DEFB132: variants seen among roughly 807,000 people sequenced by gnomAD.
DEFB132 encodes defensin beta 132.
A neutral mutation model predicts 2.5 loss-of-function variants in DEFB132; 5 were observed. The ratio of observed to expected loss-of-function variants is 2.00; its 90% CI spans 1.04 to 4.20. The LOEUF (loss-of-function observed/expected upper bound fraction) is 4.20. DEFB132 is among the 30% of genes most tolerant of loss of function. DEFB132 has a pLI of 0.00. For synonymous variants in DEFB132, 53 were observed against 46.2 expected, an observed-to-expected ratio of 1.15 and a Z score of -0.60; for missense variants, 112 against 110.0, an observed-to-expected ratio of 1.02 and a Z score of -0.08.
Position 259,299 on chromosome 20 carries a change from C to T in DEFB132, c.281C>T (p.Thr94Ile), listed in dbSNP as rs760222383. Reference protein sequence around the residue: ...RKDKKQQTTVTS With the variant: ...RKDKKQQTTVIS ...GACAAGAAGCAACAAACGACCGTAA[C>T]ATCATAATAACCACTGCTATCGCCT... Residue 94 changes from threonine (T) to isoleucine (I), a missense_variant, in exon 2 of 2, where the codon ACA becomes ATA. Coordinates refer to ENST00000382376, the MANE Select transcript of DEFB132 (RefSeq NM_207469.3). 1.9e-6 allele frequency: 3 copies of T among 1,614,034 alleles called. No homozygotes were observed. Among genetic ancestry groups the T allele is most frequent in the Admixed American group, 3.3e-5 (2 of 60,026 alleles).
At position 260,641 on chromosome 20, in the gene DEFB132, C is replaced by T. The variant is rs1322522927; in HGVS notation, c.*1335C>T. On this transcript the variant is annotated 3_prime_UTR_variant, in exon 2 of 2. Transcript: ENST00000382376. The stretch of plus-strand genomic sequence containing the variant: ...TCTATCTGAGAAGAACAAACCAAAA[C>T]ACTCAGGCCTAAATAATTAAAAACG... 1 of 152,098 alleles carries T rather than the reference C, an allele frequency of 6.6e-6. No homozygotes were observed. The highest frequency in any genetic ancestry group is 1.9e-4 in the East Asian group (1 of 5,198). 9.4% of individuals were successfully genotyped at this position (152,098 alleles called of 1,614,324 possible).
In DEFB132 at chr20:259,140, G is replaced by A. The variant is rs138201035; in HGVS notation, c.122G>A (p.Trp41Ter). 2 of 1,614,160 alleles carry A rather than the reference G, an allele frequency of 1.2e-6. No individual in the cohort carries two copies. Among genetic ancestry groups the A allele is most frequent in the African/African-American group, 1.3e-5 (1 of 75,024 alleles). ...GGATACTGCAGGACATGTTGCCACT[G>A]GGGGGAGACAGCATTGTTCATGTGC... is the stretch of plus-strand genomic sequence containing the variant. ...TPGYCRTCCHWGETALFMCNA... is the reference protein window; with the variant it reads ...TPGYCRTCCH The change falls in exon 2 of 2, where the codon TGG becomes TAG. Residue 41 changes from tryptophan (W) to a stop codon, truncating the protein, a stop_gained. Coordinates refer to ENST00000382376, the MANE Select transcript of DEFB132 (RefSeq NM_207469.3). LOFTEE classifies it low-confidence loss of function (END_TRUNC).
chr20:258,984 C>A, intron 1 of DEFB132, 93 bp from the exon 2 acceptor site: 2 of 1,303,958 alleles, frequency 1.5e-6, no homozygotes, highest in Non-Finnish European at 2.1e-6. Flanking sequence ...CACCTCAGAA[C>A]AAAAAGCCAA....
Position 260,649 on chromosome 20 carries a change from C to T in DEFB132, c.*1343C>T, listed in dbSNP as rs987555013. 6.3e-4 allele frequency: 95 copies of T among 151,994 alleles called. No individual in the cohort carries two copies. The highest frequency in any genetic ancestry group is 2.3e-3 in the African/African-American group (94 of 41,366). 9.4% of individuals were successfully genotyped at this position (151,994 alleles called of 1,614,324 possible). A position where few individuals can be genotyped will look rare whatever the true frequency, so the allele number is the denominator to read the frequency against. ...AGAAGAACAAACCAAAACACTCAGGCCTAAATAATTAAAAACGGTCCTAAA... is the reference window on the plus strand; with the variant it reads ...AGAAGAACAAACCAAAACACTCAGGTCTAAATAATTAAAAACGGTCCTAAA... On this transcript the variant is annotated 3_prime_UTR_variant, in exon 2 of 2. Transcript: ENST00000382376.
intron 1 of DEFB132, among the ~76,000 whole-genome samples, 191 bp from the exon 2 acceptor site, chr20:258,886 G>A (rs2011608484): frequency 7.1e-6 from 1 of 141,142 alleles, no homozygotes; most frequent in African/African-American, 2.6e-5. Context: ...TCGTCAGACA[G>A]AGTTCCCCAA....
chr20:260,166 C>T lies in DEFB132; in HGVS notation c.*860C>T. ...TGCTGGTGACTCAAACGTGCCTACT[C>T]ATGGTGTCAAATTGGCATAATCCTC... On this transcript the variant is annotated 3_prime_UTR_variant, in exon 2 of 2. Coordinates refer to ENST00000382376, the MANE Select transcript of DEFB132 (RefSeq NM_207469.3). 6.6e-6 allele frequency: 1 copy of T among 152,218 alleles called. No individual in the cohort carries two copies. The highest frequency in any genetic ancestry group is 1.5e-5 in the Non-Finnish European group (1 of 68,036). 9.4% of individuals were successfully genotyped at this position (152,218 alleles called of 1,614,324 possible).
In DEFB132 at chr20:260,799, C is replaced by T. The variant is rs1568486174; in HGVS notation, c.*1493C>T. 1 of 152,090 alleles carries T rather than the reference C, an allele frequency of 6.6e-6. No individual in the cohort carries two copies. Among genetic ancestry groups the T allele is most frequent in the Non-Finnish European group, 1.5e-5 (1 of 68,020 alleles). 9.4% of individuals were successfully genotyped at this position (152,090 alleles called of 1,614,324 possible). On this transcript the variant is annotated 3_prime_UTR_variant, in exon 2 of 2. Transcript: ENST00000382376. ...GTAAAGTATTAAAAGATTGTGTGGTCAAATATTCAATTTAAGAGCAAGGAA... is the reference window on the plus strand; with the variant it reads ...GTAAAGTATTAAAAGATTGTGTGGTTAAATATTCAATTTAAGAGCAAGGAA...
intron 1 of DEFB132, 106 bp downstream of exon 1, chr20:257,942 C>T: frequency 8.8e-7 from 1 of 1,133,470 alleles, no homozygotes; most frequent in South Asian, 1.4e-5. Flanking sequence ...CAGGGCTCAC[C>T]CCACTGAGTT....
In DEFB132 at chr20:259,897, G is replaced by A. The variant is rs1436056758; in HGVS notation, c.*591G>A. On this transcript the variant is annotated 3_prime_UTR_variant, in exon 2 of 2. Coordinates refer to ENST00000382376, the MANE Select transcript of DEFB132 (RefSeq NM_207469.3). ...GAACATGGGGTGACTGCTACCATAGGTCTGGAAGTATGAGGCTGTCCACCA... is the reference window on the plus strand; with the variant it reads ...GAACATGGGGTGACTGCTACCATAGATCTGGAAGTATGAGGCTGTCCACCA... 1 of 156,786 alleles carries A rather than the reference G, an allele frequency of 6.4e-6. No individual in the cohort carries two copies. The highest frequency in any genetic ancestry group is 2.4e-5 in the African/African-American group (1 of 41,312). 9.7% of individuals were successfully genotyped at this position (156,786 alleles called of 1,614,324 possible).
intron 1 of DEFB132, among the ~76,000 whole-genome samples, chr20:258,789 C>A (rs1260747109): frequency 1.3e-5 from 2 of 152,168 alleles, no homozygotes; most frequent in African/African-American, 4.8e-5. Flanking sequence ...AGGCTCCCCA[C>A]CCCTGTTTTT....
At position 261,068 on chromosome 20, in the gene DEFB132, T is replaced by G. The variant is rs1336639044; in HGVS notation, c.*1762T>G. ...GTTCCCAGTTTATGGCTATTACAAA[T>G]AAAGCTTCTATGAACATTTATGTAC... On this transcript the variant is annotated 3_prime_UTR_variant, in exon 2 of 2. Coordinates refer to ENST00000382376, the MANE Select transcript of DEFB132 (RefSeq NM_207469.3). 1 of 152,366 alleles carries G rather than the reference T, an allele frequency of 6.6e-6. No homozygotes were observed. 9.4% of individuals were successfully genotyped at this position (152,366 alleles called of 1,614,324 possible). A position where few individuals can be genotyped will look rare whatever the true frequency, so the allele number is the denominator to read the frequency against.
In DEFB132 at chr20:259,135, C is replaced by A; in HGVS notation, c.117C>A (p.Cys39Ter). ...SNTPGYCRTC[C>*]HWGETALFMC... ...CCCCAGGATACTGCAGGACATGTTG[C>A]CACTGGGGGGAGACAGCATTGTTCA... The change falls in exon 2 of 2, where the codon TGC (cysteine) becomes TGA (stop). Residue 39 changes from cysteine to a stop codon, truncating the protein, a stop_gained. Transcript: ENST00000382376. LOFTEE classifies it low-confidence loss of function (END_TRUNC). 4 of 1,614,178 alleles carry A rather than the reference C, an allele frequency of 2.5e-6. No homozygotes were observed. The highest frequency in any genetic ancestry group is 3.4e-6 in the Non-Finnish European group (4 of 1,180,040).
chr20:257,815 T>C lies in DEFB132; in HGVS notation c.37T>C (p.Phe13Leu). 4.3e-6 allele frequency: 7 copies of C among 1,609,366 alleles called. No homozygotes were observed. The highest frequency in any genetic ancestry group is 5.1e-6 in the Non-Finnish European group (6 of 1,176,630). ...GCTCCTGGTCTTGGCAGCCCTCGGA[T>C]TCCTGACCCAGGTGATCCCAGGTAA... ...FLLLVLAALG[F>L]LTQVIPASAG... Residue 13 changes from phenylalanine (F) to leucine (L), a missense_variant, in exon 1 of 2, where the codon TTC becomes CTC. Phe to Leu is a conservative substitution (Grantham distance 22, BLOSUM62 0). Transcript: ENST00000382376.
rs2011628081 is a variant in DEFB132, at chr20:260,236, T to C, written c.*930T>C. The C allele has an allele frequency of 6.6e-6, 1 of 152,186 alleles. No homozygotes were observed. Among genetic ancestry groups the C allele is most frequent in the Admixed American group, 6.6e-5 (1 of 15,262 alleles). 9.4% of individuals were successfully genotyped at this position (152,186 alleles called of 1,614,324 possible). On this transcript the variant is annotated 3_prime_UTR_variant, in exon 2 of 2. Coordinates refer to ENST00000382376, the MANE Select transcript of DEFB132 (RefSeq NM_207469.3). ...TAAGCACAGAGAAGCAGAACTCTAA[T>C]TGCTTAATCCACTAAACATTACTTC...
rs372216172 is a variant in DEFB132, at chr20:257,764, G to A, written c.-15G>A. On this transcript the variant is annotated 5_prime_UTR_variant, in exon 1 of 2. Transcript: ENST00000382376. Reference sequence around the variant, plus strand: ...CATTAAACCACCACCAGCTCCCCAAGCCACCCCTTCAGCCATGAAGTTCCT... The same window carrying A: ...CATTAAACCACCACCAGCTCCCCAAACCACCCCTTCAGCCATGAAGTTCCT... 1.2e-6 allele frequency: 2 copies of A among 1,600,720 alleles called. No individual in the cohort carries two copies. Among genetic ancestry groups the A allele is most frequent in the African/African-American group, 1.4e-5 (1 of 72,140 alleles).
chr20:259,140 G>C lies in DEFB132; in HGVS notation c.122G>C (p.Trp41Ser), dbSNP rs138201035. The C allele has an allele frequency of 1.0e-4, 168 of 1,614,160 alleles. 2 individuals carry two copies. In the African/African-American group the frequency reaches 1.4e-3, roughly 13 times the overall value. Residue 41 changes from tryptophan to serine, a missense_variant, in exon 2 of 2, where the codon TGG (tryptophan) becomes TCG (serine). By Grantham distance (177) the Trp-to-Ser change is radical. Transcript: ENST00000382376. ...GGATACTGCAGGACATGTTGCCACT[G>C]GGGGGAGACAGCATTGTTCATGTGC... is the stretch of plus-strand genomic sequence containing the variant. ...TPGYCRTCCH[W>S]GETALFMCNA...
intron 1 of DEFB132, 109 bp downstream of exon 1, chr20:257,945 A>G: frequency 9.2e-7 from 1 of 1,088,010 alleles, no homozygotes; most frequent in South Asian, 1.5e-5. Context: ...GGCTCACCCC[A>G]CTGAGTTCCA....
chr20:259,189 C>G lies in DEFB132; in HGVS notation c.171C>G (p.Ile57Met), dbSNP rs1439531828. 6.2e-7 allele frequency: 1 copy of G among 1,614,082 alleles called. No homozygotes were observed. The highest frequency in any genetic ancestry group is 8.5e-7 in the Non-Finnish European group (1 of 1,180,040). The change falls in exon 2 of 2, where the codon ATC becomes ATG. Residue 57 changes from isoleucine (I) to methionine (M), a missense_variant. Physicochemically the swap from Ile to Met is conservative, Grantham distance 10. Coordinates refer to ENST00000382376, the MANE Select transcript of DEFB132 (RefSeq NM_207469.3). ...GCAACGCTTCCAGAAAATGCTGCAT[C>G]AGCTACTCCTTCCTGCCGAAGCCTG... ...FMCNASRKCC[I>M]SYSFLPKPDL...
At chr20:258,209 C>T (rs1040250989) in intron 1 of DEFB132, among the ~76,000 whole-genome samples, 11 of 152,258 alleles carry the variant, frequency 7.2e-5, no homozygotes, top group African/African-American at 2.4e-4. Context: ...AGATTTTGAG[C>T]CTAGAAGGAA....
Sources: allele counts gnomAD v4.1 joint callset (sites outside exome capture counted in the v4.1 genomes callset), GRCh38; gene constraint gnomAD v4.1.1; transcripts MANE v1.5; gene names NCBI Gene and HGNC (gene_info 2026-07-23, HGNC 2026-07-21).